GLRA3: variants seen among roughly 807,000 people sequenced by gnomAD.
GLRA3 encodes the protein glycine receptor alpha 3, also known as glycine receptor subunit alpha-3.
Under a neutral mutation model 60.4 loss-of-function variants are expected in GLRA3, and 44 were observed. The observed-to-expected ratio is 0.73, with a 90% CI of 0.57 to 0.94. The LOEUF (loss-of-function observed/expected upper bound fraction) is 0.94, where lower values mean the gene tolerates loss of function less well. Among genes scored for constraint, GLRA3 ranks in the 40% least tolerant of loss-of-function variants. GLRA3 has a pLI of 0.00. For missense variants in GLRA3, 508 were observed against 564.6 expected (o/e 0.90, Z 1.02); for synonymous variants, 223 against 192.9 (o/e 1.16, Z -1.29).
intron 9 of GLRA3, among the ~76,000 whole-genome samples, chr4:174,651,532 A>G (rs7682005): frequency 0.51 from 78,086 of 151,876 alleles, 21,620 homozygotes; most frequent in African/African-American, 0.73. Context: ...GAAAGAATAC[A>G]AATAACAACT....
At chr4:174,815,359 T>A (rs1304154342) in intron 1 of GLRA3, among the ~76,000 whole-genome samples, 1 of 152,184 alleles carries the variant, frequency 6.6e-6, no homozygotes, top group African/African-American at 2.4e-5. Flanking sequence ...TGTCAGTGGA[T>A]CTGCTATTCT....
At chr4:174,681,582 G>C (rs1376196072) in intron 6 of GLRA3, among the ~76,000 whole-genome samples, 1 of 152,126 alleles carries the variant, frequency 6.6e-6, no homozygotes, top group Non-Finnish European at 1.5e-5. Flanking sequence ...AGGTTTTCCA[G>C]AAATAGGTAG....
intron 7 of GLRA3, among the ~76,000 whole-genome samples, chr4:174,665,480 T>C (rs559939227): frequency 6.6e-6 from 1 of 152,254 alleles, no homozygotes; most frequent in Non-Finnish European, 1.5e-5. Context: ...CTAGCACCAC[T>C]TGAATGCCCC....
intron 7 of GLRA3, among the ~76,000 whole-genome samples, chr4:174,666,763 AT>A (rs1733690859): frequency 9.0e-6 from 1 of 110,802 alleles, no homozygotes; most frequent in Non-Finnish European, 1.7e-5. Context: ...TATATATTAT[AT>A]ATATATATAT....
chr4:174,767,135 C>G, intron 2 of GLRA3, 105 bp from the exon 3 acceptor site: 1 of 567,382 alleles, frequency 1.8e-6, no homozygotes, highest in Non-Finnish European at 3.2e-6. Flanking sequence ...CACACACACA[C>G]ACACACACAC....
chr4:174,739,156 T>G (rs1736911832), intron 3 of GLRA3, among the ~76,000 whole-genome samples: 1 of 152,198 alleles, frequency 6.6e-6, no homozygotes, highest in African/African-American at 2.4e-5. Context: ...TGGGTGCTGC[T>G]CTAAGAAGAA....
At chr4:174,778,987 C>A (rs1738745313) in intron 2 of GLRA3, among the ~76,000 whole-genome samples, 1 of 152,214 alleles carries the variant, frequency 6.6e-6, no homozygotes, top group South Asian at 2.1e-4. Flanking sequence ...AGGAGGCCTG[C>A]CTGCCTCTGT....
chr4:174,777,575 C>T (rs1352113502), intron 2 of GLRA3, among the ~76,000 whole-genome samples: 1 of 152,056 alleles, frequency 6.6e-6, no homozygotes, highest in Non-Finnish European at 1.5e-5. Context: ...ACTCATACCA[C>T]AAGCACAGGA....
intron 5 of GLRA3, among the ~76,000 whole-genome samples, chr4:174,697,471 A>G (rs1735104926): frequency 6.6e-6 from 1 of 152,214 alleles, no homozygotes; most frequent in Non-Finnish European, 1.5e-5. Context: ...GCTATGTCAA[A>G]ACGCATTTAA....
At chr4:174,764,843 T>G (rs999895096) in intron 3 of GLRA3, among the ~76,000 whole-genome samples, 1 of 152,076 alleles carries the variant, frequency 6.6e-6, no homozygotes, top group African/African-American at 2.4e-5. Flanking sequence ...CACAGCTATT[T>G]TAGCTGATAC....
chr4:174,767,145 C>G (rs1407614221), intron 2 of GLRA3, 115 bp from the exon 3 acceptor site: 3 of 584,300 alleles, frequency 5.1e-6, no homozygotes, highest in Admixed American at 5.4e-5. Flanking sequence ...CACACACACA[C>G]ACACACACAC....
intron 5 of GLRA3, among the ~76,000 whole-genome samples, chr4:174,688,318 C>CATAT (rs553159490): frequency 4.6e-4 from 16 of 34,958 alleles, no homozygotes; most frequent in East Asian, 1.4e-3. Context: ...TACCTGACAT[C>CATAT]ATATATATAT....
intron 1 of GLRA3, among the ~76,000 whole-genome samples, chr4:174,815,984 T>C (rs1740485737): frequency 6.6e-6 from 1 of 152,178 alleles, no homozygotes; most frequent in Non-Finnish European, 1.5e-5. Context: ...TCTGAACTTT[T>C]ATGTTGTCTC....
chr4:174,653,417 T>C (rs574094929), intron 9 of GLRA3, among the ~76,000 whole-genome samples: 11 of 151,928 alleles, frequency 7.2e-5, no homozygotes, highest in Non-Finnish European at 1.5e-4. Context: ...AAAAATACTT[T>C]GCTGTTGTAA....
chr4:174,764,151 G>A (rs1299509750), intron 3 of GLRA3, among the ~76,000 whole-genome samples: 2 of 151,946 alleles, frequency 1.3e-5, no homozygotes, highest in Non-Finnish European at 2.9e-5. Flanking sequence ...ATTTGTGCAA[G>A]AAAAATATGA....
intron 2 of GLRA3, among the ~76,000 whole-genome samples, chr4:174,767,538 A>G (rs899030068): frequency 6.6e-6 from 1 of 152,082 alleles, no homozygotes; most frequent in African/African-American, 2.4e-5. Flanking sequence ...TTAGTGACTT[A>G]CCTGGACCAA....
chr4:174,673,832 A>G (rs997098758), intron 7 of GLRA3, among the ~76,000 whole-genome samples: 4 of 152,096 alleles, frequency 2.6e-5, no homozygotes, highest in African/African-American at 9.7e-5. Context: ...AGAACCCACA[A>G]TTAACCTTTC....
chr4:174,738,064 T>C (rs1736873298), intron 3 of GLRA3, among the ~76,000 whole-genome samples: 1 of 152,230 alleles, frequency 6.6e-6, no homozygotes, highest in Non-Finnish European at 1.5e-5. Flanking sequence ...TTCAGATAAT[T>C]CTTACATAGT....
intron 5 of GLRA3, among the ~76,000 whole-genome samples, chr4:174,715,174 C>G (rs1282076351): frequency 6.6e-6 from 1 of 152,076 alleles, no homozygotes; most frequent in Non-Finnish European, 1.5e-5. Flanking sequence ...GAAGAGGCTC[C>G]CAATAAATAA....
Sources: allele counts gnomAD v4.1 joint callset (sites outside exome capture counted in the v4.1 genomes callset), GRCh38; gene constraint gnomAD v4.1.1; transcripts MANE v1.5; gene names NCBI Gene and HGNC (gene_info 2026-07-23, HGNC 2026-07-21).